KCNH5: variants seen among roughly 807,000 people sequenced by gnomAD.
KCNH5 encodes voltage-gated delayed rectifier potassium channel KCNH5.
Under a neutral mutation model 96.1 loss-of-function variants are expected in KCNH5, and 46 were observed. The observed-to-expected ratio is 0.48, with a 90% CI of 0.38 to 0.61. The LOEUF (loss-of-function observed/expected upper bound fraction) is 0.61. KCNH5 is among the 20% of genes least tolerant of loss of function. The pLI, the probability that KCNH5 is intolerant of heterozygous loss-of-function variation, is 0.00. For missense variants in KCNH5, 907 were observed against 1,225.8 expected, an observed-to-expected ratio of 0.74 and a Z score of 3.88; for synonymous variants, 439 against 449.8, an observed-to-expected ratio of 0.98 and a Z score of 0.30.
chr14:63,037,023 G>C (rs1891734129), intron 1 of KCNH5, among the ~76,000 whole-genome samples: 1 of 152,098 alleles, frequency 6.6e-6, no homozygotes, highest in South Asian at 2.1e-4. Context: ...TGGTGACTAA[G>C]AATTAAAAAC....
At chr14:62,908,166 A>G (rs1030509398) in intron 7 of KCNH5, among the ~76,000 whole-genome samples, 2 of 152,182 alleles carry the variant, frequency 1.3e-5, no homozygotes, top group Non-Finnish European at 2.9e-5. Flanking sequence ...GGGGAAAAAA[A>G]CAGTTTGTTA....
At chr14:62,759,446 G>A (rs1460508315) in intron 10 of KCNH5, among the ~76,000 whole-genome samples, 2 of 151,944 alleles carry the variant, frequency 1.3e-5, no homozygotes, top group African/African-American at 4.8e-5. Context: ...AAAATACTGA[G>A]GTGCCTGTGC....
Position 62,702,724 on chromosome 14 carries a change from C to G in KCNH5, c.*4784G>C, listed in dbSNP as rs1401735176. On this transcript the variant is annotated 3_prime_UTR_variant, in exon 11 of 11. Transcript: ENST00000322893. The stretch of plus-strand genomic sequence containing the variant: ...TTCATCATCTTTCTAGTTCCCAGTC[C>G]AAATCCTCAGTGGTCCTGACCCTCA... 6.6e-6 allele frequency: 1 copy of G among 151,858 alleles called. No homozygotes were observed. Among genetic ancestry groups the G allele is most frequent in the Admixed American group, 6.6e-5 (1 of 15,222 alleles). 9.4% of individuals were successfully genotyped at this position (151,858 alleles called of 1,614,324 possible).
chr14:63,007,643 G>A (rs1891151219), intron 2 of KCNH5, among the ~76,000 whole-genome samples: 1 of 152,096 alleles, frequency 6.6e-6, no homozygotes, highest in Non-Finnish European at 1.5e-5. Flanking sequence ...TGTGGTTTCA[G>A]CTTGCATGGA....
chr14:62,779,035 C>A (rs1454426005), intron 10 of KCNH5, among the ~76,000 whole-genome samples: 1 of 152,150 alleles, frequency 6.6e-6, no homozygotes, highest in Non-Finnish European at 1.5e-5. Context: ...TAGATAAAAT[C>A]ACTTAAGTGC....
At chr14:62,981,416 A>G (rs1356705123) in intron 5 of KCNH5, 152 bp from the exon 6 acceptor site, 5 of 675,868 alleles carry the variant, frequency 7.4e-6, no homozygotes, top group Admixed American at 5.7e-5. Context: ...TGTTCAGAGG[A>G]AGTCACTCCA....
intron 5 of KCNH5, among the ~76,000 whole-genome samples, chr14:62,983,890 C>T (rs958306394): frequency 6.6e-6 from 1 of 151,982 alleles, no homozygotes; most frequent in Non-Finnish European, 1.5e-5. Context: ...ATTCTCTAGA[C>T]AGTGATTTGC....
chr14:63,029,675 AG>A (rs142446835), intron 1 of KCNH5, among the ~76,000 whole-genome samples: 1,750 of 152,198 alleles, frequency 0.011, 25 homozygotes, highest in African/African-American at 0.03. Context: ...AGAAGAAGAG[AG>A]GGAGACAGAT....
intron 10 of KCNH5, among the ~76,000 whole-genome samples, chr14:62,749,265 T>C (rs567855623): frequency 1.8e-4 from 28 of 152,014 alleles, no homozygotes; most frequent in Non-Finnish European, 3.5e-4. Context: ...TGAACAGGAG[T>C]CGAAGGTCAC....
chr14:62,779,943 T>C lies in KCNH5; in HGVS notation c.1823-19A>G. The C allele has an allele frequency of 1.3e-6, 2 of 1,593,128 alleles. No homozygotes were observed. The highest frequency in any genetic ancestry group is 1.7e-6 in the Non-Finnish European group (2 of 1,166,736). On this transcript the variant is annotated intron_variant, in intron 9 of 10. Coordinates refer to ENST00000322893, the MANE Select transcript of KCNH5 (RefSeq NM_139318.5). ...CCCTTCCCTAGAAAACAGTATAAGA[T>C]ACATATTCAAGTATCTAACACTGTT...
chr14:62,960,549 T>C (rs960239231), intron 6 of KCNH5, among the ~76,000 whole-genome samples: 7 of 152,154 alleles, frequency 4.6e-5, no homozygotes, highest in African/African-American at 9.7e-5. Flanking sequence ...GGCAACTGGA[T>C]AGAAACCACA....
intron 10 of KCNH5, among the ~76,000 whole-genome samples, chr14:62,762,931 C>T (rs188940915): frequency 2.6e-5 from 4 of 152,200 alleles, no homozygotes; most frequent in Non-Finnish European, 5.9e-5. Flanking sequence ...TAGATAACCA[C>T]CCTATAATAA....
intron 10 of KCNH5, among the ~76,000 whole-genome samples, chr14:62,757,425 C>A (rs1308779632): frequency 6.6e-6 from 1 of 152,148 alleles, no homozygotes; most frequent in Non-Finnish European, 1.5e-5. Context: ...TATGATCTAG[C>A]ACCCCCACTG....
intron 6 of KCNH5, among the ~76,000 whole-genome samples, chr14:62,975,810 T>C (rs1001801122): frequency 1.4e-4 from 22 of 152,192 alleles, no homozygotes; most frequent in Non-Finnish European, 2.6e-4. Context: ...AAATAAGATG[T>C]ACTAAGTAAA....
intron 7 of KCNH5, among the ~76,000 whole-genome samples, chr14:62,876,521 AC>A (rs1407962704): frequency 2.6e-5 from 4 of 152,238 alleles, no homozygotes; most frequent in Admixed American, 2.6e-4. Context: ...CACAAAAAGA[AC>A]AAACAAAAAT....
At chr14:62,968,774 C>T (rs1406658254) in intron 6 of KCNH5, among the ~76,000 whole-genome samples, 1 of 152,102 alleles carries the variant, frequency 6.6e-6, no homozygotes. Flanking sequence ...TATACAAATC[C>T]AAGATGAGTT....
chr14:63,043,834 C>G (rs908812681), intron 1 of KCNH5, among the ~76,000 whole-genome samples: 2 of 152,128 alleles, frequency 1.3e-5, no homozygotes, highest in African/African-American at 2.4e-5. Flanking sequence ...TCTAATCTAC[C>G]ATTTAGGGAA....
At chr14:62,843,130 T>C (rs1163179719) in intron 8 of KCNH5, among the ~76,000 whole-genome samples, 1 of 152,194 alleles carries the variant, frequency 6.6e-6, no homozygotes, top group Non-Finnish European at 1.5e-5. Context: ...AAACTAAATA[T>C]TCATATTTAT....
chr14:62,981,450 G>A (rs1436203849), intron 5 of KCNH5, among the ~76,000 whole-genome samples, 186 bp from the exon 6 acceptor site: 2 of 152,176 alleles, frequency 1.3e-5, no homozygotes, highest in Admixed American at 1.3e-4. Context: ...TACCAAAGCT[G>A]ATCTTTCTGC....
Sources: gnomAD v4.1 joint callset for allele counts (sites outside exome capture counted in the v4.1 genomes callset) on GRCh38, gnomAD v4.1.1 for gene constraint, MANE v1.5 for transcripts, NCBI Gene and HGNC (gene_info 2026-07-23, HGNC 2026-07-21) for gene names.